RASA2: variants seen among roughly 807,000 people sequenced by gnomAD.
RASA2 encodes RAS p21 protein activator 2, also known as ras GTPase-activating protein 2.
RASA2 carries 155 observed loss-of-function variants against 118.2 expected under a neutral mutation model. The observed-to-expected ratio is 1.31, with a 90% CI of 1.15 to 1.50. The LOEUF (loss-of-function observed/expected upper bound fraction) is 1.50. Ranked by LOEUF, RASA2 falls within the 40% of genes most tolerant of loss-of-function variation. The pLI is 0.00. For synonymous variants in RASA2, 353 were observed against 349.1 expected (o/e 1.01, Z -0.12); for missense variants, 1,016 against 1,009.6 (o/e 1.01, Z -0.09).
At chr3:141,517,688 C>T (rs1577670872) in intron 3 of RASA2, among the ~76,000 whole-genome samples, 1 of 152,124 alleles carries the variant, frequency 6.6e-6, no homozygotes, top group Non-Finnish European at 1.5e-5. Flanking sequence ...GAGTGTCACT[C>T]TGTCGCCCAG....
intron 22 of RASA2, among the ~76,000 whole-genome samples, 154 bp from the exon 23 acceptor site, chr3:141,609,723 C>A (rs553847180): frequency 5.8e-4 from 88 of 152,142 alleles, no homozygotes; most frequent in Non-Finnish European, 3.5e-4. Flanking sequence ...ATGTGATGAT[C>A]CTAATAAATA....
intron 3 of RASA2, among the ~76,000 whole-genome samples, chr3:141,528,082 C>T (rs2082208329): frequency 6.6e-6 from 1 of 151,844 alleles, no homozygotes; most frequent in African/African-American, 2.4e-5. Flanking sequence ...GTTTTAACTT[C>T]ATGTATTCAT....
rs181123406 is a variant in RASA2 at position 141,508,331 on chromosome 3, G to T, written c.134-3832G>T. Among the ~76,000 whole-genome samples the T allele has an allele frequency of 9.2e-5, 14 of 152,144 alleles. No homozygotes were observed. The East Asian group carries it at 2.5e-3, about 27-fold the overall frequency. On this transcript the variant is annotated intron_variant, in intron 1 of 23. Coordinates refer to ENST00000286364, the MANE Select transcript of RASA2 (RefSeq NM_006506.5). Reference sequence around the variant, plus strand: ...AAGAGTGGTCAAATAAGGTGGGACTGAAAAGCAGTGTTACGATTTGGGCAC... The same window carrying T: ...AAGAGTGGTCAAATAAGGTGGGACTTAAAAGCAGTGTTACGATTTGGGCAC...
intron 3 of RASA2, among the ~76,000 whole-genome samples, chr3:141,528,401 A>G (rs1458844698): frequency 6.6e-6 from 1 of 152,010 alleles, no homozygotes; most frequent in African/African-American, 2.4e-5. Context: ...TGGTTCAGAA[A>G]AAGAATCATT....
chr3:141,513,196 T>TG (rs1261068135), intron 2 of RASA2, among the ~76,000 whole-genome samples: 6 of 137,664 alleles, frequency 4.4e-5, no homozygotes, highest in Non-Finnish European at 1.0e-4. Context: ...TTTAGGGATC[T>TG]GTTTTTTTTT....
chr3:141,500,210 T>C (rs1347911995), intron 1 of RASA2, among the ~76,000 whole-genome samples: 1 of 152,190 alleles, frequency 6.6e-6, no homozygotes, highest in African/African-American at 2.4e-5. Flanking sequence ...CAGTAGTTCT[T>C]GACAGTCCCC....
chr3:141,537,604 A>G (rs1022330020), intron 4 of RASA2, among the ~76,000 whole-genome samples: 1 of 152,100 alleles, frequency 6.6e-6, no homozygotes, highest in African/African-American at 2.4e-5. Context: ...CCGTGTCTCT[A>G]CTAAAAATAC....
At chr3:141,502,299 GT>G (rs552499240) in intron 1 of RASA2, among the ~76,000 whole-genome samples, 176 of 151,988 alleles carry the variant, frequency 1.2e-3, no homozygotes, top group Middle Eastern at 3.4e-3. Context: ...ATCTCCCTTT[GT>G]TACCTTAATG....
chr3:141,564,773 G>C (rs991172604), intron 9 of RASA2, among the ~76,000 whole-genome samples: 1 of 152,112 alleles, frequency 6.6e-6, no homozygotes, highest in Admixed American at 6.5e-5. Flanking sequence ...AGCACATGGG[G>C]GTGGTGGTAA....
chr3:141,542,320 A>G (rs1317026784), intron 5 of RASA2, among the ~76,000 whole-genome samples: 1 of 152,096 alleles, frequency 6.6e-6, no homozygotes, highest in Non-Finnish European at 1.5e-5. Context: ...ACTTAGCATA[A>G]TGCTTTTGAG....
Position 141,581,155 on chromosome 3 carries a change from G to A in RASA2, c.1730G>A (p.Gly577Glu). 6.5e-7 allele frequency: 1 copy of A among 1,534,474 alleles called. No homozygotes were observed. The highest frequency in any genetic ancestry group is 8.7e-7 in the Non-Finnish European group (1 of 1,148,922). Residue 577 changes from glycine (G) to glutamate (E), a missense_variant, in exon 17 of 24, where the codon GGA becomes GAA. Gly to Glu is a moderately conservative substitution (Grantham distance 98, BLOSUM62 -2). Around this residue, in one of 2 missense-constraint regions of RASA2, gnomAD observed 896 missense variants for 836.4 expected, o/e 1.07. Transcript: ENST00000286364. ...CEFFKMFQEEGYIIAVKKFLD... is the reference protein window; with the variant it reads ...CEFFKMFQEEEYIIAVKKFLD... ...TTTTTCAAAATGTTTCAAGAAGAAG[G>A]ATATATTATAGCAGTTAAAAAGGTA...
At chr3:141,535,127 A>T (rs1405432580) in intron 4 of RASA2, among the ~76,000 whole-genome samples, 1 of 152,160 alleles carries the variant, frequency 6.6e-6, no homozygotes, top group Non-Finnish European at 1.5e-5. Context: ...CCGACATCAT[A>T]TGCTCACCTC....
At chr3:141,506,617 G>A (rs2081870811) in intron 1 of RASA2, among the ~76,000 whole-genome samples, 1 of 152,068 alleles carries the variant, frequency 6.6e-6, no homozygotes, top group African/African-American at 2.4e-5. Context: ...TAAGAATTTG[G>A]ATTTGGCACT....
chr3:141,601,335 G>A (rs1320058465), intron 19 of RASA2, among the ~76,000 whole-genome samples: 6 of 152,010 alleles, frequency 3.9e-5, no homozygotes, highest in East Asian at 1.9e-4. Context: ...GCTGAGGTCC[G>A]AGAATCACTT....
At chr3:141,543,487 T>C (rs995546401) in intron 5 of RASA2, among the ~76,000 whole-genome samples, 3 of 152,204 alleles carry the variant, frequency 2.0e-5, no homozygotes, top group Non-Finnish European at 4.4e-5. Flanking sequence ...TCTACCCACA[T>C]TTTTGCCCTT....
chr3:141,558,991 CTT>C (rs1207816752), intron 8 of RASA2, 29 bp downstream of exon 8: 14 of 1,532,702 alleles, frequency 9.1e-6, no homozygotes, highest in Non-Finnish European at 1.2e-5. Flanking sequence ...TACAGAATTG[CTT>C]TTTTGTATAC....
chr3:141,575,957 A>G (rs1015288290), intron 14 of RASA2, among the ~76,000 whole-genome samples: 3 of 151,982 alleles, frequency 2.0e-5, no homozygotes, highest in Admixed American at 1.3e-4. Flanking sequence ...TTGTATTTTT[A>G]GTATAGATGG....
intron 5 of RASA2, among the ~76,000 whole-genome samples, chr3:141,544,167 C>T (rs768900371): frequency 3.2e-4 from 49 of 152,100 alleles, no homozygotes; most frequent in African/African-American, 1.1e-3. Flanking sequence ...TAAGCCACCA[C>T]GCCCAGCCTG....
intron 14 of RASA2, among the ~76,000 whole-genome samples, chr3:141,575,880 G>T (rs978760681): frequency 6.6e-6 from 1 of 151,940 alleles, no homozygotes; most frequent in Non-Finnish European, 1.5e-5. Context: ...CTGCAACTCC[G>T]CCTCCCAGGT....
Sources: gnomAD v4.1 joint callset for allele counts (sites outside exome capture counted in the v4.1 genomes callset) on GRCh38, gnomAD v4.1.1 for gene constraint, gnomAD v4.1.1 regional missense constraint, MANE v1.5 for transcripts, NCBI Gene and HGNC (gene_info 2026-07-23, HGNC 2026-07-21) for gene names.